FIGN: variants seen among roughly 807,000 people sequenced by gnomAD.
The protein encoded by FIGN is fidgetin, microtubule severing factor.
In FIGN, 11 loss-of-function variants were observed where a neutral mutation model predicts 51.3. The observed-to-expected ratio is 0.21, with a 90% CI of 0.13 to 0.35. The LOEUF is 0.35. Ranked by LOEUF, FIGN falls within the 10% of genes least tolerant of loss-of-function variation. The pLI, the probability that FIGN is intolerant of heterozygous loss-of-function variation, is 1.00. For synonymous variants in FIGN, 407 were observed against 363.2 expected, an observed-to-expected ratio of 1.12 and a Z score of -1.37; for missense variants, 857 against 943.6, an observed-to-expected ratio of 0.91 and a Z score of 1.20.
chr2:163,715,285 T>G (rs1684651137), intron 2 of FIGN, among the ~76,000 whole-genome samples: 1 of 152,016 alleles, frequency 6.6e-6, no homozygotes, highest in Non-Finnish European at 1.5e-5. Context: ...TATCTTGGAG[T>G]CATTAGCTAG....
At chr2:163,687,916 C>T (rs980214031) in intron 2 of FIGN, among the ~76,000 whole-genome samples, 1 of 152,150 alleles carries the variant, frequency 6.6e-6, no homozygotes, top group Non-Finnish European at 1.5e-5. Flanking sequence ...TCATCCCTGA[C>T]AGTTAAGCCA....
intron 2 of FIGN, among the ~76,000 whole-genome samples, chr2:163,701,240 G>C (rs910470049): frequency 6.6e-6 from 1 of 152,134 alleles, no homozygotes; most frequent in Non-Finnish European, 1.5e-5. Context: ...GTGAATTACA[G>C]CACTGAGTCT....
At chr2:163,632,847 G>A (rs747566962) in intron 2 of FIGN, among the ~76,000 whole-genome samples, 10 of 152,020 alleles carry the variant, frequency 6.6e-5, no homozygotes, top group Non-Finnish European at 1.3e-4. Context: ...AAAAGATTTA[G>A]ATTCCTTTCC....
At chr2:163,628,592 C>T (rs1683094159) in intron 2 of FIGN, among the ~76,000 whole-genome samples, 1 of 151,880 alleles carries the variant, frequency 6.6e-6, no homozygotes, top group South Asian at 2.1e-4. Context: ...ATATACAGGA[C>T]AAATTCGAGG....
At chr2:163,722,828 A>C (rs2105364041) in intron 2 of FIGN, among the ~76,000 whole-genome samples, 1 of 152,088 alleles carries the variant, frequency 6.6e-6, no homozygotes, top group African/African-American at 2.4e-5. Context: ...GAAATATACA[A>C]TTTTCATAGA....
chr2:163,611,921 TTAAA>T, intron 2 of FIGN, 115 bp from the exon 3 acceptor site: 1 of 416,664 alleles, frequency 2.4e-6, no homozygotes, highest in Non-Finnish European at 3.6e-6. Flanking sequence ...TATGCATACT[TTAAA>T]AGATCTACAC....
At chr2:163,700,037 A>T (rs914162029) in intron 2 of FIGN, among the ~76,000 whole-genome samples, 4 of 152,104 alleles carry the variant, frequency 2.6e-5, no homozygotes, top group African/African-American at 9.7e-5. Flanking sequence ...AAAATTGGAA[A>T]GGAAAGAAGG....
chr2:163,690,006 G>T (rs1684213973), intron 2 of FIGN, among the ~76,000 whole-genome samples: 1 of 152,132 alleles, frequency 6.6e-6, no homozygotes, highest in Admixed American at 6.6e-5. Context: ...TGTTTTGGGT[G>T]ATGCCAACAT....
intron 2 of FIGN, among the ~76,000 whole-genome samples, chr2:163,682,533 C>T (rs1684082238): frequency 6.6e-6 from 1 of 152,136 alleles, no homozygotes; most frequent in Admixed American, 6.5e-5. Context: ...AATTACAGAA[C>T]AGGACAGTTT....
chr2:163,674,287 A>G (rs1683923759), intron 2 of FIGN, among the ~76,000 whole-genome samples: 1 of 152,060 alleles, frequency 6.6e-6, no homozygotes, highest in Non-Finnish European at 1.5e-5. Flanking sequence ...TGTGTTTTAC[A>G]GTTTTTGTTG....
chr2:163,658,289 C>A (rs998372063), intron 2 of FIGN, among the ~76,000 whole-genome samples: 7 of 151,722 alleles, frequency 4.6e-5, no homozygotes, highest in African/African-American at 1.5e-4. Context: ...GACAACCCAA[C>A]ACATCTGGCC....
chr2:163,723,004 G>A (rs954557192), intron 2 of FIGN, among the ~76,000 whole-genome samples: 8 of 151,672 alleles, frequency 5.3e-5, no homozygotes, highest in African/African-American at 1.9e-4. Context: ...GGCTAACACG[G>A]TGAAACCCTG....
At chr2:163,712,575 G>A (rs1684602833) in intron 2 of FIGN, among the ~76,000 whole-genome samples, 1 of 151,954 alleles carries the variant, frequency 6.6e-6, no homozygotes, top group East Asian at 1.9e-4. Context: ...ATTAATACAC[G>A]AACACCTAAA....
At chr2:163,644,752 T>A (rs1453658590) in intron 2 of FIGN, among the ~76,000 whole-genome samples, 1 of 152,162 alleles carries the variant, frequency 6.6e-6, no homozygotes, top group Non-Finnish European at 1.5e-5. Flanking sequence ...TAAAAAGGAA[T>A]GAAGTACTGG....
rs1684992646 is a variant in FIGN, at chr2:163,734,989, C to CT, written c.-63dup. Reference sequence around the variant, plus strand: ...TCACAAGCAGGAATTCCAAAGGTTGCTTTTCATTAAAGCCACTTTTCCTCT... The same window carrying CT: ...TCACAAGCAGGAATTCCAAAGGTTGCTTTTTCATTAAAGCCACTTTTCCTCT... On this transcript the variant is annotated 5_prime_UTR_variant, in exon 2 of 3. An upstream open reading frame in the 5' UTR loses its in-frame stop. Coordinates refer to ENST00000333129, the MANE Select transcript of FIGN (RefSeq NM_018086.4). 1 of 1,588,802 alleles carries CT rather than the reference C, an allele frequency of 6.3e-7. No individual in the cohort carries two copies.
At chr2:163,727,319 C>T (rs1216642836) in intron 2 of FIGN, among the ~76,000 whole-genome samples, 1 of 150,946 alleles carries the variant, frequency 6.6e-6, no homozygotes, top group Non-Finnish European at 1.5e-5. Flanking sequence ...GAACACAGAA[C>T]ATTAGAAAAT....
At chr2:163,694,583 C>A (rs1214837498) in intron 2 of FIGN, among the ~76,000 whole-genome samples, 1 of 152,136 alleles carries the variant, frequency 6.6e-6, no homozygotes, top group Non-Finnish European at 1.5e-5. Flanking sequence ...TAGAAAGTGT[C>A]AATCCAGTCT....
intron 2 of FIGN, among the ~76,000 whole-genome samples, chr2:163,661,722 C>T (rs1683687275): frequency 6.6e-6 from 1 of 152,160 alleles, no homozygotes; most frequent in Non-Finnish European, 1.5e-5. Flanking sequence ...CTTTCCCATG[C>T]TATTCCCGTG....
chr2:163,648,771 C>T (rs1250562896), intron 2 of FIGN, among the ~76,000 whole-genome samples: 1 of 152,190 alleles, frequency 6.6e-6, no homozygotes. Context: ...TGCTCCCATA[C>T]CGTAAACACT....
Sources: gnomAD v4.1 joint callset for allele counts (sites outside exome capture counted in the v4.1 genomes callset) on GRCh38, gnomAD v4.1.1 for gene constraint, MANE v1.5 for transcripts, NCBI Gene and HGNC (gene_info 2026-07-23, HGNC 2026-07-21) for gene names.